EVC: variants seen among roughly 807,000 people sequenced by gnomAD.
EVC encodes the protein EvC ciliary complex subunit 1.
EVC carries 116 observed loss-of-function variants against 118.9 expected under a neutral mutation model. That is an observed-to-expected ratio of 0.98 (90% CI 0.84 to 1.14). The LOEUF (loss-of-function observed/expected upper bound fraction) is 1.14. EVC is among the 50% of genes most tolerant of loss of function. The probability of loss-of-function intolerance (pLI) is 0.00; values close to 1 mark genes in which losing one functional copy is unlikely to be tolerated. For missense variants in EVC, 1,401 were observed against 1,246.4 expected, an observed-to-expected ratio of 1.12 and a Z score of -1.87; for synonymous variants, 619 against 534.7, an observed-to-expected ratio of 1.16 and a Z score of -2.18.
intron 14 of EVC, 81 bp downstream of exon 14, chr4:5,797,313 G>C (rs1714153442): frequency 1.7e-6 from 2 of 1,210,354 alleles, no homozygotes; most frequent in Non-Finnish European, 2.4e-6. Context: ...AGGTTTGCCA[G>C]AACCCGAATC....
chr4:5,824,837 G>A, the EVC span: 9 of 985,230 alleles, frequency 9.1e-6, no homozygotes, highest in Non-Finnish European at 9.6e-6. Flanking sequence ...CAACGTGTGC[G>A]TGCCTGCCCT....
At chr4:5,733,920 T>C (rs1727256311) in intron 5 of EVC, among the ~76,000 whole-genome samples, 1 of 152,018 alleles carries the variant, frequency 6.6e-6, no homozygotes, top group African/African-American at 2.4e-5. Flanking sequence ...GGGCAGAGGA[T>C]TTACCCAAAG....
chr4:5,766,112 C>T (rs962884988), intron 11 of EVC, among the ~76,000 whole-genome samples: 1 of 140,140 alleles, frequency 7.1e-6, no homozygotes, highest in East Asian at 2.2e-4. Flanking sequence ...GTGACAAAAT[C>T]TCTCAGCATT....
rs1402408392 is a variant in EVC, at chr4:5,814,006, A to C, written c.*2969A>C. 6.6e-6 allele frequency: 1 copy of C among 152,260 alleles called. No homozygotes were observed. Among genetic ancestry groups the C allele is most frequent in the African/African-American group, 2.4e-5 (1 of 41,458 alleles). 9.4% of individuals were successfully genotyped at this position (152,260 alleles called of 1,614,324 possible). A position where few individuals can be genotyped will look rare whatever the true frequency, so the allele number is the denominator to read the frequency against. ...AAAATGAGATATGGCTATTTGGAAG[A>C]CACTGCATTTTAGCCAGTGTACCTG... is the stretch of plus-strand genomic sequence containing the variant. On this transcript the variant is annotated 3_prime_UTR_variant, in exon 21 of 21. Coordinates refer to ENST00000264956, the MANE Select transcript of EVC (RefSeq NM_153717.3).
chr4:5,802,606 A>G (rs1222126050), intron 16 of EVC, among the ~76,000 whole-genome samples: 4 of 152,160 alleles, frequency 2.6e-5, no homozygotes, highest in Admixed American at 1.3e-4. Flanking sequence ...CAGCTAGACA[A>G]TCACATCTGG....
downstream of EVC, among the ~76,000 whole-genome samples, chr4:5,814,926 G>A (rs905117958): frequency 9.2e-5 from 14 of 152,182 alleles, no homozygotes; most frequent in East Asian, 7.7e-4. Flanking sequence ...GGGTGAGGTC[G>A]GTGGGGGAGC....
At chr4:5,825,976 C>G in the EVC span, 1 of 393,344 alleles carries the variant, frequency 2.5e-6, no homozygotes, top group African/African-American at 2.4e-5. The surrounding 1 kb of genome is among the most constrained non-coding windows in gnomAD (Gnocchi z 4.4). Context: ...AGTAACAAAA[C>G]AGGCCTACAC....
At chr4:5,790,290 G>A (rs1184315988) in intron 12 of EVC, among the ~76,000 whole-genome samples, 2 of 152,136 alleles carry the variant, frequency 1.3e-5, no homozygotes, top group African/African-American at 4.8e-5. Context: ...AATCAGAGAT[G>A]GGAGTTAATG....
chr4:5,817,987 A>C (rs773900844), downstream of EVC, among the ~76,000 whole-genome samples: 1 of 152,218 alleles, frequency 6.6e-6, no homozygotes, highest in African/African-American at 2.4e-5. Context: ...AGACAAACCA[A>C]CTGATGTGGT....
At chr4:5,794,852 A>G (rs1220152274) in intron 13 of EVC, among the ~76,000 whole-genome samples, 1 of 152,174 alleles carries the variant, frequency 6.6e-6, no homozygotes, top group Non-Finnish European at 1.5e-5. Flanking sequence ...TCACCCAGGT[A>G]GTGGACGCAG....
At chr4:5,734,573 CTT>C in intron 5 of EVC, among the ~76,000 whole-genome samples, 1 of 152,296 alleles carries the variant, frequency 6.6e-6, no homozygotes, top group East Asian at 1.9e-4. Context: ...GAGAGGAACA[CTT>C]GAGTCCAGGA....
chr4:5,817,355 A>G (rs1469457218), downstream of EVC, among the ~76,000 whole-genome samples: 1 of 152,198 alleles, frequency 6.6e-6, no homozygotes, highest in Non-Finnish European at 1.5e-5. Flanking sequence ...GTCCACATCC[A>G]GGCATAATGG....
the EVC span, among the ~76,000 whole-genome samples, chr4:5,823,545 C>G: frequency 4.6e-5 from 7 of 152,204 alleles, no homozygotes; most frequent in African/African-American, 1.7e-4. Flanking sequence ...GGGTTTGGGT[C>G]ATGAAGGACA....
intron 5 of EVC, among the ~76,000 whole-genome samples, chr4:5,736,431 G>A (rs1478991613): frequency 6.6e-6 from 1 of 152,024 alleles, no homozygotes; most frequent in Admixed American, 6.5e-5. Context: ...ACCCCTGGGG[G>A]AGGAGCACAC....
intron 2 of EVC, among the ~76,000 whole-genome samples, chr4:5,728,245 T>A (rs549986416): frequency 6.6e-6 from 1 of 152,266 alleles, no homozygotes; most frequent in South Asian, 2.1e-4. Context: ...CTCTTATATT[T>A]CCTTGAGCAG....
chr4:5,717,982 C>T (rs1258351959), intron 1 of EVC, among the ~76,000 whole-genome samples: 1 of 152,210 alleles, frequency 6.6e-6, no homozygotes, highest in Non-Finnish European at 1.5e-5. Flanking sequence ...AGGCCTGACA[C>T]AAAGCAGATG....
chr4:5,815,828 A>G (rs1717584563), downstream of EVC, among the ~76,000 whole-genome samples: 1 of 152,156 alleles, frequency 6.6e-6, no homozygotes, highest in African/African-American at 2.4e-5. Context: ...GCCACATGCC[A>G]CCTGGCATAT....
rs775854493 is a variant in EVC at position 5,731,711 on chromosome 4, G to A, written c.617+54G>A. On this transcript the variant is annotated intron_variant, in intron 4 of 20. Coordinates refer to ENST00000264956, the MANE Select transcript of EVC (RefSeq NM_153717.3). The surrounding 1 kb of genome is among the most constrained non-coding windows in gnomAD (Gnocchi z 5.6). The stretch of plus-strand genomic sequence containing the variant: ...GCTTCCAGTCCTCTTGGAGTGGGCC[G>A]GGAGTCACATCATTGTCAGAGGAGG... The A allele has an allele frequency of 2.7e-4, 400 of 1,502,586 alleles. 1 individual carries two copies. The highest frequency in any genetic ancestry group is 3.3e-4 in the Non-Finnish European group (365 of 1,093,408). 93.1% of individuals were successfully genotyped at this position (1,502,586 alleles called of 1,614,324 possible).
intron 12 of EVC, among the ~76,000 whole-genome samples, chr4:5,788,673 G>A (rs1051276960): frequency 6.6e-5 from 10 of 152,072 alleles, no homozygotes; most frequent in African/African-American, 1.9e-4. Flanking sequence ...TTTGCCTTCC[G>A]TCTAATCCTG....
Sources: allele counts gnomAD v4.1 joint callset (sites outside exome capture counted in the v4.1 genomes callset), GRCh38; gene constraint gnomAD v4.1.1; non-coding constraint Gnocchi (gnomAD v3.1); transcripts MANE v1.5; gene names NCBI Gene and HGNC (gene_info 2026-07-23, HGNC 2026-07-21).